The following SLC20A2 variants were observed in gnomAD, a reference collection of about 807,000 sequenced individuals.
SLC20A2 encodes the protein sodium-dependent phosphate transporter 2.
Under a neutral mutation model 61.0 loss-of-function variants are expected in SLC20A2, and 30 were observed. The ratio of observed to expected loss-of-function variants is 0.49; its 90% confidence interval spans 0.37 to 0.67. The LOEUF (loss-of-function observed/expected upper bound fraction) is 0.67, where lower values mean the gene tolerates loss of function less well. Among genes scored for constraint, SLC20A2 ranks in the 30% least tolerant of loss-of-function variants. SLC20A2 has a pLI of 0.00. For synonymous variants in SLC20A2, 351 were observed against 353.3 expected (o/e 0.99, Z 0.07); for missense variants, 626 against 866.4 (o/e 0.72, Z 3.48).
chr8:42,465,685 G>A (rs1445104092), intron 3 of SLC20A2, 92 bp downstream of exon 3: 41 of 1,241,522 alleles, frequency 3.3e-5, no homozygotes, highest in African/African-American at 6.2e-5. Flanking sequence ...GTGACACTCC[G>A]GGTCAAAAAA....
At chr8:42,439,148 G>T (rs760909909) in intron 7 of SLC20A2, among the ~76,000 whole-genome samples, 3 of 152,146 alleles carry the variant, frequency 2.0e-5, no homozygotes, top group Non-Finnish European at 4.4e-5. Context: ...TAACTCCTGG[G>T]GCATGGAGAT....
At chr8:42,498,689 C>G (rs903342428) in intron 1 of SLC20A2, among the ~76,000 whole-genome samples, 18 of 152,180 alleles carry the variant, frequency 1.2e-4, no homozygotes, top group African/African-American at 4.3e-4. Context: ...TGAAGGCATC[C>G]CTCCTGCTCA....
At chr8:42,427,331 G>C (rs1730707736) in intron 10 of SLC20A2, among the ~76,000 whole-genome samples, 1 of 152,246 alleles carries the variant, frequency 6.6e-6, no homozygotes, top group South Asian at 2.1e-4. Flanking sequence ...GGTGCTGATG[G>C]GGACCTGAAC....
intron 1 of SLC20A2, chr8:42,538,327 G>A (rs1383317167): frequency 6.6e-6 from 1 of 150,798 alleles, no homozygotes; most frequent in Non-Finnish European, 1.5e-5. Flanking sequence ...TCAAAAATAG[G>A]ATATCCTGTA....
rs182887267 is a variant in SLC20A2 at position 42,472,902 on chromosome 8, C to A, written c.-264-248G>T. Among the ~76,000 whole-genome samples the A allele has an allele frequency of 9.2e-4, 140 of 152,262 alleles. No homozygotes were observed. Among genetic ancestry groups the A allele is most frequent in the South Asian group, 2.1e-3 (10 of 4,818 alleles). On this transcript the variant is annotated intron_variant, in intron 1 of 10. Transcript: ENST00000520262. This position sits in a 1 kb window ranked among gnomAD's most constrained non-coding sequence, Gnocchi z 4.1. ...TAATAATTACAGACTAATAGTAATC[C>A]TTACTAGGTTACATTTTTCATGCAA...
chr8:42,464,788 C>A lies in SLC20A2; in HGVS notation c.430+989G>T, dbSNP rs144241008. 3.6e-4 allele frequency among the ~76,000 whole-genome samples: 55 copies of A among 152,148 alleles called. 1 individual carries two copies. The highest frequency in any genetic ancestry group is 1.3e-3 in the African/African-American group (53 of 41,524). On this transcript the variant is annotated intron_variant, in intron 3 of 10. Transcript: ENST00000520262. ...AAGAGTTCAAGACCAGCCTGGGCAA[C>A]ATGGTGAAACCCTGTCTGTACTAAA...
intron 8 of SLC20A2, among the ~76,000 whole-genome samples, chr8:42,432,744 C>A (rs73675067): frequency 1.3e-5 from 2 of 152,176 alleles, no homozygotes; most frequent in African/African-American, 4.8e-5. Flanking sequence ...GACCCTCCAT[C>A]AGCAAAATAA....
chr8:42,537,077 A>G (rs1434978098), intron 1 of SLC20A2, among the ~76,000 whole-genome samples: 1 of 151,726 alleles, frequency 6.6e-6, no homozygotes, highest in South Asian at 2.1e-4. Flanking sequence ...TCTGTTTAAA[A>G]AAAAAAAAAA....
chr8:42,497,986 G>A (rs1476452871), intron 1 of SLC20A2, among the ~76,000 whole-genome samples: 1 of 152,108 alleles, frequency 6.6e-6, no homozygotes, highest in Non-Finnish European at 1.5e-5. Flanking sequence ...GAAGCTGAAG[G>A]CATTTCCCTA....
At chr8:42,455,257 T>TATATATAGAGAGAGAGAGAG (rs1357416749) in intron 5 of SLC20A2, among the ~76,000 whole-genome samples, 2 of 81,622 alleles carry the variant, frequency 2.5e-5, no homozygotes, top group African/African-American at 8.8e-5. Context: ...TATATATATA[T>TATATATAGAGAGAGAGAGAG]AGAGAGAGAG....
At chr8:42,529,451 A>G (rs1812193168) in intron 1 of SLC20A2, among the ~76,000 whole-genome samples, 1 of 152,200 alleles carries the variant, frequency 6.6e-6, no homozygotes, top group Non-Finnish European at 1.5e-5. Context: ...TTATTAGAAA[A>G]TTACATAATA....
intron 7 of SLC20A2, among the ~76,000 whole-genome samples, chr8:42,438,190 G>A (rs1053871327): frequency 3.3e-5 from 5 of 151,748 alleles, no homozygotes; most frequent in African/African-American, 1.2e-4. Context: ...TATGGCACTT[G>A]GCACATTTTT....
chr8:42,459,780 T>C (rs959734911), intron 5 of SLC20A2, 116 bp downstream of exon 5: 17 of 671,038 alleles, frequency 2.5e-5, no homozygotes, highest in Non-Finnish European at 4.5e-5. Context: ...ACCTATTCCA[T>C]AATGACCATG....
intron 1 of SLC20A2, among the ~76,000 whole-genome samples, chr8:42,533,934 C>A (rs1812539934): frequency 7.3e-6 from 1 of 136,600 alleles, no homozygotes; most frequent in African/African-American, 2.9e-5. Flanking sequence ...CCATGCCCGG[C>A]CCTGTTCGTT....
intron 9 of SLC20A2, 150 bp from the exon 10 acceptor site, chr8:42,428,992 T>C: frequency 1.7e-6 from 1 of 600,358 alleles, no homozygotes; most frequent in Non-Finnish European, 2.8e-6. Flanking sequence ...AAGAGGCCGC[T>C]GCTCAACAAC....
At chr8:42,486,425 G>A (rs921743519) in intron 1 of SLC20A2, among the ~76,000 whole-genome samples, 1 of 151,944 alleles carries the variant, frequency 6.6e-6, no homozygotes, top group African/African-American at 2.4e-5. Context: ...TAGAACTCCT[G>A]GGCTCAAGCG....
chr8:42,486,317 C>A (rs1809009133), intron 1 of SLC20A2, among the ~76,000 whole-genome samples: 1 of 152,074 alleles, frequency 6.6e-6, no homozygotes. Context: ...ATCCTCCTGC[C>A]TCAGCCTCCC....
intron 10 of SLC20A2, among the ~76,000 whole-genome samples, chr8:42,422,025 C>G (rs1410657322): frequency 6.6e-6 from 1 of 152,068 alleles, no homozygotes; most frequent in Non-Finnish European, 1.5e-5. Flanking sequence ...TAATCTTGAT[C>G]AATTTGGTCC....
intron 1 of SLC20A2, among the ~76,000 whole-genome samples, chr8:42,521,863 C>G (rs1230626091): frequency 3.3e-5 from 4 of 120,920 alleles, no homozygotes; most frequent in Non-Finnish European, 5.9e-5. Context: ...TATGGACACG[C>G]TTCACCAATG....
Sources: allele counts gnomAD v4.1 joint callset (sites outside exome capture counted in the v4.1 genomes callset), GRCh38; gene constraint gnomAD v4.1.1; non-coding constraint Gnocchi (gnomAD v3.1); transcripts MANE v1.5; gene names NCBI Gene and HGNC (gene_info 2026-07-23, HGNC 2026-07-21).